RNGTT: variants seen among roughly 807,000 people sequenced by gnomAD.
RNGTT encodes the protein RNA guanylyltransferase and 5'-phosphatase.
In RNGTT, 33 loss-of-function variants were observed where a neutral mutation model predicts 79.3. That is an observed-to-expected ratio of 0.42 (90% CI 0.32 to 0.56). The LOEUF is 0.56. Among genes scored for constraint, RNGTT ranks in the 20% least tolerant of loss-of-function variants. RNGTT has a pLI of 0.17. For synonymous variants in RNGTT, 222 were observed against 235.9 expected, an observed-to-expected ratio of 0.94 and a Z score of 0.54; for missense variants, 497 against 739.1, an observed-to-expected ratio of 0.67 and a Z score of 3.80.
chr6:88,886,869 A>G (rs1166460068), intron 8 of RNGTT, among the ~76,000 whole-genome samples: 2 of 152,044 alleles, frequency 1.3e-5, no homozygotes, highest in Admixed American at 6.6e-5. Flanking sequence ...ACATTTCAGA[A>G]ATATTCCCTA....
chr6:88,789,569 G>C (rs1020778777), intron 12 of RNGTT, among the ~76,000 whole-genome samples: 1 of 152,080 alleles, frequency 6.6e-6, no homozygotes, highest in African/African-American at 2.4e-5. Flanking sequence ...CAAATATGTA[G>C]ATATCTATAG....
chr6:88,821,291 G>A (rs977469485), intron 11 of RNGTT, among the ~76,000 whole-genome samples: 10 of 152,120 alleles, frequency 6.6e-5, no homozygotes, highest in Admixed American at 6.6e-5. Context: ...TATGATTTGT[G>A]TATGTTTCAG....
chr6:88,873,308 AAG>A (rs1782413719), intron 8 of RNGTT, among the ~76,000 whole-genome samples: 1 of 152,222 alleles, frequency 6.6e-6, no homozygotes, highest in Non-Finnish European at 1.5e-5. Context: ...AAGGAAGAGA[AAG>A]ATAACTTTAA....
rs550333177 is a variant in RNGTT, at chr6:88,831,798, GACAA to G, written c.1269+12555_1269+12558del. ...CAAGCATTCTCATACACCAGTAACA[GACAA>G]ACAGAGAGCCAAGTCATGAGTGAAT... On this transcript the variant is annotated intron_variant, in intron 11 of 15. Transcript: ENST00000369485. 2.6e-4 allele frequency among the ~76,000 whole-genome samples: 40 copies of G among 152,282 alleles called. No individual in the cohort carries two copies. The East Asian group carries it at 6.6e-3, about 25-fold the overall frequency.
intron 13 of RNGTT, among the ~76,000 whole-genome samples, chr6:88,746,832 T>C (rs1033833732): frequency 6.6e-6 from 1 of 152,152 alleles, no homozygotes; most frequent in Non-Finnish European, 1.5e-5. Context: ...CTTTCAGAAA[T>C]ACTCTATACT....
chr6:88,712,761 C>T (rs979466483), intron 13 of RNGTT, among the ~76,000 whole-genome samples: 2 of 152,042 alleles, frequency 1.3e-5, no homozygotes, highest in Non-Finnish European at 2.9e-5. Context: ...AAAAGCAATA[C>T]ATTATGACCC....
intron 14 of RNGTT, among the ~76,000 whole-genome samples, chr6:88,632,741 C>A (rs1324499108): frequency 6.6e-6 from 1 of 152,096 alleles, no homozygotes; most frequent in Non-Finnish European, 1.5e-5. Context: ...CACAGAATAT[C>A]AAACAGAATA....
chr6:88,930,757 C>A (rs1337941178), intron 2 of RNGTT, among the ~76,000 whole-genome samples: 2 of 152,028 alleles, frequency 1.3e-5, no homozygotes, highest in East Asian at 3.9e-4. Flanking sequence ...AAGTGGCAGA[C>A]CTATCTCTCA....
chr6:88,681,419 T>G (rs1420129269), intron 13 of RNGTT, among the ~76,000 whole-genome samples: 1 of 152,196 alleles, frequency 6.6e-6, no homozygotes, highest in Non-Finnish European at 1.5e-5. Context: ...TACTTCTTTC[T>G]TATTCATTAT....
chr6:88,808,818 A>G (rs1419908607), intron 11 of RNGTT, among the ~76,000 whole-genome samples: 1 of 152,138 alleles, frequency 6.6e-6, no homozygotes, highest in African/African-American at 2.4e-5. Flanking sequence ...AAGCCAGGCC[A>G]TGGCGGCATG....
At chr6:88,865,147 T>C (rs1306556471) in intron 8 of RNGTT, among the ~76,000 whole-genome samples, 1 of 152,062 alleles carries the variant, frequency 6.6e-6, no homozygotes, top group Admixed American at 6.6e-5. Context: ...AGTTAATATA[T>C]AAAAGATACT....
At chr6:88,744,419 G>A (rs768318282) in intron 13 of RNGTT, among the ~76,000 whole-genome samples, 7 of 151,914 alleles carry the variant, frequency 4.6e-5, no homozygotes, top group Non-Finnish European at 8.8e-5. Context: ...GCACCAGCAC[G>A]CCCGGCTAAT....
At chr6:88,706,660 TA>T (rs1406171907) in intron 13 of RNGTT, among the ~76,000 whole-genome samples, 1 of 152,104 alleles carries the variant, frequency 6.6e-6, no homozygotes, top group Non-Finnish European at 1.5e-5. Flanking sequence ...TTTCACAAGG[TA>T]AAAATGTAAC....
At chr6:88,890,798 A>G (rs1783024877) in intron 7 of RNGTT, among the ~76,000 whole-genome samples, 1 of 151,856 alleles carries the variant, frequency 6.6e-6, no homozygotes, top group Non-Finnish European at 1.5e-5. Flanking sequence ...GCAAGTTAAC[A>G]GAGTTCTAAA....
intron 13 of RNGTT, among the ~76,000 whole-genome samples, chr6:88,682,041 G>C (rs3798778): frequency 0.11 from 17,360 of 152,100 alleles, 1,117 homozygotes; most frequent in Middle Eastern, 0.22. Flanking sequence ...ATTGTTTCCA[G>C]AAAAGTTTCT....
chr6:88,789,271 A>AT (rs1261508810), intron 12 of RNGTT, among the ~76,000 whole-genome samples: 1 of 152,100 alleles, frequency 6.6e-6, no homozygotes, highest in Admixed American at 6.5e-5. Context: ...AATACAAAAA[A>AT]TTAGGCCGGG....
chr6:88,669,183 C>T (rs1380763220), intron 14 of RNGTT, among the ~76,000 whole-genome samples: 1 of 151,574 alleles, frequency 6.6e-6, no homozygotes, highest in Non-Finnish European at 1.5e-5. Context: ...ACAAGCGCTC[C>T]CCCAAACCAG....
chr6:88,707,741 A>AAAT (rs1776181164), intron 13 of RNGTT, among the ~76,000 whole-genome samples: 1 of 149,804 alleles, frequency 6.7e-6, no homozygotes, highest in Non-Finnish European at 1.5e-5. Flanking sequence ...AAAAAAAAAA[A>AAAT]GGCAAACTGT....
chr6:88,715,556 C>T (rs1000569178), intron 13 of RNGTT, among the ~76,000 whole-genome samples: 4 of 152,190 alleles, frequency 2.6e-5, no homozygotes, highest in Non-Finnish European at 5.9e-5. Context: ...CACTACTTGA[C>T]TTCAAACCAT....
Sources: gnomAD v4.1 joint callset for allele counts (sites outside exome capture counted in the v4.1 genomes callset) on GRCh38, gnomAD v4.1.1 for gene constraint, MANE v1.5 for transcripts, NCBI Gene and HGNC (gene_info 2026-07-23, HGNC 2026-07-21) for gene names.